The following XPNPEP2 variants were observed in gnomAD, a reference collection of about 807,000 sequenced individuals.
XPNPEP2 encodes X-prolyl aminopeptidase 2.
XPNPEP2 carries 64 observed loss-of-function variants against 59.8 expected under a neutral mutation model. The ratio of observed to expected loss-of-function variants is 1.07; its 90% CI spans 0.87 to 1.32. The LOEUF is 1.32. Among genes scored for constraint, XPNPEP2 ranks in the 40% most tolerant of loss-of-function variants. The pLI, the probability that XPNPEP2 is intolerant of heterozygous loss-of-function variation, is 0.00. For missense variants in XPNPEP2, 575 were observed against 546.8 expected, an observed-to-expected ratio of 1.05 and a Z score of -0.51; for synonymous variants, 235 against 210.0, an observed-to-expected ratio of 1.12 and a Z score of -1.03.
intron 15 of XPNPEP2, among the ~76,000 whole-genome samples, 156 bp from the exon 16 acceptor site, chrX:129,760,356 G>A (rs764587882): frequency 8.9e-6 from 1 of 112,642 alleles, no homozygotes; most frequent in African/African-American, 3.2e-5. Context: ...CCATCTTCCA[G>A]AACCCGGGCA....
intron 9 of XPNPEP2, 35 bp from the exon 10 acceptor site, chrX:129,752,115 G>A: frequency 8.4e-7 from 1 of 1,194,492 alleles, no homozygotes; most frequent in Non-Finnish European, 1.1e-6. Flanking sequence ...CTTAGCAGAT[G>A]CTCAGGACCC....
At position 129,750,576 on chromosome X, in the gene XPNPEP2, G is replaced by A. The variant is rs929614689; in HGVS notation, c.739+7G>A. 1.7e-6 allele frequency: 2 copies of A among 1,172,460 alleles called. No homozygotes were observed. Among genetic ancestry groups the A allele is most frequent in the Non-Finnish European group, 2.3e-6 (2 of 875,951 alleles). On this transcript the variant is annotated splice_region_variant and intron_variant, in intron 8 of 20. Transcript: ENST00000371106. ...GCGCTTGAGGAGACGGCCTGTGAGTGTGGATTTGCAGACATGGGTGGGCGC... is the reference window on the plus strand; with the variant it reads ...GCGCTTGAGGAGACGGCCTGTGAGTATGGATTTGCAGACATGGGTGGGCGC...
chrX:129,758,731 A>G (rs1347039341), intron 14 of XPNPEP2, among the ~76,000 whole-genome samples: 1 of 112,151 alleles, frequency 8.9e-6, no homozygotes, highest in Non-Finnish European at 1.9e-5. Flanking sequence ...GGGAGCAGCA[A>G]AAGTGTCCTA....
chrX:129,746,229 G>T lies in XPNPEP2; in HGVS notation c.299-7G>T, dbSNP rs1277146488. 3 of 1,208,240 alleles carry T rather than the reference G, an allele frequency of 2.5e-6. No individual in the cohort carries two copies. The highest frequency in any genetic ancestry group is 3.4e-6 in the Non-Finnish European group (3 of 893,565). On this transcript the variant is annotated splice_polypyrimidine_tract_variant and splice_region_variant and intron_variant, in intron 4 of 20. Transcript: ENST00000371106. ...CCTCACCTGCAAGTTTCTCTGTTCT[G>T]CCCCAGGAACTGCAGTGGTGACTAT... is the stretch of plus-strand genomic sequence containing the variant.
intron 13 of XPNPEP2, 41 bp from the exon 14 acceptor site, chrX:129,756,443 A>C (rs755677284): frequency 9.2e-6 from 11 of 1,192,347 alleles, no homozygotes; most frequent in Admixed American, 6.5e-5. Context: ...GACCCAGTGC[A>C]GGGTTAGGCT....
chrX:129,743,533 G>T (rs1926238346), intron 2 of XPNPEP2, among the ~76,000 whole-genome samples: 1 of 112,704 alleles, frequency 8.9e-6, no homozygotes, highest in Admixed American at 9.3e-5. Context: ...ATTACACATT[G>T]TTTATTTGAA....
At chrX:129,742,278 C>T (rs1459244725) in intron 2 of XPNPEP2, 97 bp downstream of exon 2, 5 of 451,374 alleles carry the variant, frequency 1.1e-5, no homozygotes, top group Non-Finnish European at 1.9e-5. Context: ...CCCCGCCCTG[C>T]TCTATCATCT....
chrX:129,757,959 GAAAA>G (rs1054311851), intron 14 of XPNPEP2, among the ~76,000 whole-genome samples: 8 of 99,616 alleles, frequency 8.0e-5, no homozygotes, highest in East Asian at 3.3e-4. Context: ...AAGAAAGAAA[GAAAA>G]AGAATAGGCT....
intron 3 of XPNPEP2, among the ~76,000 whole-genome samples, chrX:129,744,654 A>C (rs1926261180): frequency 8.9e-6 from 1 of 112,336 alleles, no homozygotes; most frequent in Non-Finnish European, 1.9e-5. Context: ...CATGCTGGGA[A>C]GGGCTAAGAA....
At position 129,764,951 on chromosome X, in the gene XPNPEP2, G is replaced by A. The variant is rs578064562; in HGVS notation, c.1740+2181G>A. Among the ~76,000 whole-genome samples the A allele has an allele frequency of 4.5e-4, 50 of 111,317 alleles. No individual in the cohort carries two copies. The South Asian group carries it at 0.017, about 39-fold the overall frequency. The stretch of plus-strand genomic sequence containing the variant: ...TGCACTCCAGCCTGGGCGACAGAGC[G>A]AGAATCTGTCTCTAAAAAAAGAAGA... On this transcript the variant is annotated intron_variant, in intron 19 of 20. Transcript: ENST00000371106.
intron 5 of XPNPEP2, 112 bp from the exon 6 acceptor site, chrX:129,746,483 G>A (rs1346539920): frequency 9.4e-6 from 9 of 958,119 alleles, no homozygotes; most frequent in Non-Finnish European, 1.2e-5. Context: ...GACTTTCAAG[G>A]CTGATCTCAA....
chrX:129,768,201 G>C, intron 20 of XPNPEP2, 90 bp from the exon 21 acceptor site: 3 of 925,851 alleles, frequency 3.2e-6, no homozygotes, highest in Non-Finnish European at 1.5e-6. Flanking sequence ...GTGACAGCTG[G>C]AGTACCACAA....
At chrX:129,752,530 A>G (rs1322495841) in intron 10 of XPNPEP2, among the ~76,000 whole-genome samples, 185 bp downstream of exon 10, 1 of 112,112 alleles carries the variant, frequency 8.9e-6, no homozygotes, top group Non-Finnish European at 1.9e-5. Flanking sequence ...ATGGCCATCC[A>G]GAGAGCTCAT....
intron 14 of XPNPEP2, among the ~76,000 whole-genome samples, chrX:129,756,933 A>C (rs1262069944): frequency 9.7e-6 from 1 of 103,182 alleles, no homozygotes; most frequent in African/African-American, 3.6e-5. Context: ...CCCGGGTTCA[A>C]GTGATTCTCC....
intron 14 of XPNPEP2, among the ~76,000 whole-genome samples, chrX:129,757,792 AAAGG>A (rs1210673597): frequency 4.8e-5 from 4 of 82,867 alleles, no homozygotes; most frequent in East Asian, 3.9e-4. Flanking sequence ...CAAGACTATA[AAAGG>A]AAGAAAGAAA....
At chrX:129,758,179 T>A in intron 14 of XPNPEP2, among the ~76,000 whole-genome samples, 1 of 111,662 alleles carries the variant, frequency 9.0e-6, no homozygotes, top group Non-Finnish European at 1.9e-5. Flanking sequence ...TCTTTGCTTG[T>A]TCTTAGCACA....
Position 129,750,459 on chromosome X carries a change from T to G in XPNPEP2, c.638-9T>G. 2 of 1,183,551 alleles carry G rather than the reference T, an allele frequency of 1.7e-6. No homozygotes were observed. Among genetic ancestry groups the G allele is most frequent in the Non-Finnish European group, 2.3e-6 (2 of 879,581 alleles). Reference sequence around the variant, plus strand: ...CACTTACACTTTTTTGGGGCTCCTTTGCTTCTAGGGAGCACTTGGCAGGAG... The same window carrying G: ...CACTTACACTTTTTTGGGGCTCCTTGGCTTCTAGGGAGCACTTGGCAGGAG... On this transcript the variant is annotated splice_polypyrimidine_tract_variant and intron_variant, in intron 7 of 20. Transcript: ENST00000371106.
chrX:129,744,344 C>G (rs748776101), intron 3 of XPNPEP2, among the ~76,000 whole-genome samples: 1 of 112,210 alleles, frequency 8.9e-6, no homozygotes, highest in East Asian at 2.8e-4. Flanking sequence ...GAAGGCAGAT[C>G]CAGAATGAAT....
Position 129,767,509 on chromosome X carries a change from G to A in XPNPEP2, c.1741-94G>A, listed in dbSNP as rs1247305438. 10 of 906,906 alleles carry A rather than the reference G, an allele frequency of 1.1e-5. No homozygotes were observed. In the Admixed American group the frequency reaches 2.3e-4, roughly 21 times the overall value. The allele number at this position is 906,906 out of a possible 1,213,427, so 74.7% of individuals were successfully genotyped here. A position where few individuals can be genotyped will look rare whatever the true frequency, so the allele number is the denominator to read the frequency against. On this transcript the variant is annotated intron_variant, in intron 19 of 20. Transcript: ENST00000371106. ...GGGTTGATGAGGCCCAGCTCCTTGT[G>A]TCCTCCGGGTGGAGTGCTCCTTCCT... is the stretch of plus-strand genomic sequence containing the variant.
Sources: gnomAD v4.1 joint callset for allele counts (sites outside exome capture counted in the v4.1 genomes callset) on GRCh38, gnomAD v4.1.1 for gene constraint, MANE v1.5 for transcripts, NCBI Gene and HGNC (gene_info 2026-07-23, HGNC 2026-07-21) for gene names.